The following HDAC4 variants were observed in gnomAD, a reference collection of about 807,000 sequenced individuals.
The protein encoded by HDAC4 is histone deacetylase A.
Under a neutral mutation model 135.1 loss-of-function variants are expected in HDAC4, and 16 were observed. The ratio of observed to expected loss-of-function variants is 0.12; its 90% CI spans 0.08 to 0.18. The LOEUF is 0.18. Among genes scored for constraint, HDAC4 ranks in the 10% least tolerant of loss-of-function variants. The probability of loss-of-function intolerance (pLI) is 1.00; values close to 1 mark genes in which losing one functional copy is unlikely to be tolerated. For missense variants in HDAC4, 1,143 were observed against 1,511.8 expected, an observed-to-expected ratio of 0.76 and a Z score of 4.05; for synonymous variants, 685 against 653.4, an observed-to-expected ratio of 1.05 and a Z score of -0.74.
At position 239,347,555 on chromosome 2, in the gene HDAC4, G is replaced by A. The variant is rs144294919; in HGVS notation, c.22+5123C>T. ...TTTGAGACAACAGTCTTGCTCTGTCGGCCAGGCTACAGTGCAGTGGCACCA... is the reference window on the plus strand; with the variant it reads ...TTTGAGACAACAGTCTTGCTCTGTCAGCCAGGCTACAGTGCAGTGGCACCA... On this transcript the variant is annotated intron_variant, in intron 2 of 26. Transcript: ENST00000543185. 3.5e-3 allele frequency among the ~76,000 whole-genome samples: 526 copies of A among 152,112 alleles called. 3 individuals carry two copies. The highest frequency in any genetic ancestry group is 0.012 in the African/African-American group (494 of 41,486).
intron 1 of HDAC4, among the ~76,000 whole-genome samples, chr2:239,377,677 G>C (rs905532711): frequency 6.6e-6 from 1 of 152,216 alleles, no homozygotes; most frequent in African/African-American, 2.4e-5. Flanking sequence ...TCTCACAAGG[G>C]GCAGGGCTGA....
intron 14 of HDAC4, among the ~76,000 whole-genome samples, chr2:239,109,767 C>T (rs537711441): frequency 7.9e-5 from 12 of 152,278 alleles, no homozygotes; most frequent in African/African-American, 1.9e-4. Flanking sequence ...CCGTGAAATA[C>T]GTAAGTGTGT....
At chr2:239,105,981 T>C (rs2038093286) in intron 15 of HDAC4, among the ~76,000 whole-genome samples, 1 of 152,164 alleles carries the variant, frequency 6.6e-6, no homozygotes, top group African/African-American at 2.4e-5. Context: ...AAGGCACTGC[T>C]GTCCAGGGAG....
chr2:239,125,727 A>G (rs1012857660), intron 12 of HDAC4, among the ~76,000 whole-genome samples: 8 of 152,238 alleles, frequency 5.3e-5, no homozygotes, highest in African/African-American at 1.9e-4. Flanking sequence ...CGTAATCAGC[A>G]TGTTAGTTTT....
intron 2 of HDAC4, among the ~76,000 whole-genome samples, chr2:239,328,203 G>A (rs909594923): frequency 5.3e-5 from 8 of 152,230 alleles, no homozygotes; most frequent in Admixed American, 2.0e-4. Flanking sequence ...AGGAGCCCTG[G>A]CGCTGGCCCA....
At chr2:239,215,002 C>T (rs990524309) in intron 3 of HDAC4, among the ~76,000 whole-genome samples, 4 of 152,178 alleles carry the variant, frequency 2.6e-5, no homozygotes, top group African/African-American at 4.8e-5. Flanking sequence ...TGGGGATCGA[C>T]GGCAAGCAGG....
intron 7 of HDAC4, among the ~76,000 whole-genome samples, chr2:239,147,775 C>G: frequency 6.6e-6 from 1 of 152,244 alleles, no homozygotes; most frequent in Non-Finnish European, 1.5e-5. Context: ...ATTGTTTCTC[C>G]TGAAGCCAAT....
intron 1 of HDAC4, among the ~76,000 whole-genome samples, chr2:239,367,246 G>A: frequency 6.6e-6 from 1 of 152,126 alleles, no homozygotes; most frequent in Non-Finnish European, 1.5e-5. Context: ...CAGTGGACAT[G>A]GACTGAACGA....
chr2:239,150,046 C>A (rs1298675451), intron 7 of HDAC4, among the ~76,000 whole-genome samples: 1 of 152,192 alleles, frequency 6.6e-6, no homozygotes, highest in East Asian at 1.9e-4. Flanking sequence ...CAACTTATAT[C>A]TATGTCTTAG....
intron 17 of HDAC4, among the ~76,000 whole-genome samples, chr2:239,090,719 C>G (rs2036435239): frequency 6.6e-6 from 1 of 151,814 alleles, no homozygotes; most frequent in Non-Finnish European, 1.5e-5. Flanking sequence ...CTGGAGCATT[C>G]TGGATTTCAG....
At position 239,162,180 on chromosome 2, in the gene HDAC4, C is replaced by T. The variant is rs551818990; in HGVS notation, c.611+1623G>A. 4.0e-4 allele frequency: 184 copies of T among 456,828 alleles called. 1 individual carries two copies. In the Middle Eastern group the frequency reaches 5.2e-3, roughly 13 times the overall value. The allele number at this position is 456,828 out of a possible 1,614,324, so 28.3% of individuals were successfully genotyped here. On this transcript the variant is annotated intron_variant, in intron 6 of 26. Transcript: ENST00000543185. ...GCTGCAGCCTCCCAGACTCTGTGCT[C>T]CTCTTCAGAAAGGGCTGCCCGTGCT...
intron 1 of HDAC4, among the ~76,000 whole-genome samples, chr2:239,378,364 A>C (rs1402296493): frequency 1.3e-5 from 2 of 152,128 alleles, no homozygotes; most frequent in African/African-American, 2.4e-5. Flanking sequence ...GATGGCCTGG[A>C]AGAGGGAAGG....
At chr2:239,185,796 T>C (rs1331113185) in intron 4 of HDAC4, among the ~76,000 whole-genome samples, 1 of 152,162 alleles carries the variant, frequency 6.6e-6, no homozygotes, top group African/African-American at 2.4e-5. Flanking sequence ...TTTGGGAGGC[T>C]GATACAGGCA....
At chr2:239,174,943 T>C (rs2043662751) in intron 5 of HDAC4, among the ~76,000 whole-genome samples, 1 of 152,208 alleles carries the variant, frequency 6.6e-6, no homozygotes, top group East Asian at 1.9e-4. Flanking sequence ...AAATTAATCT[T>C]CCATGTTAAA....
chr2:239,160,885 T>C (rs1178343354), intron 6 of HDAC4, among the ~76,000 whole-genome samples: 2 of 152,276 alleles, frequency 1.3e-5, no homozygotes, highest in Non-Finnish European at 2.9e-5. Flanking sequence ...ACTGCCTGCC[T>C]GTTTTCCCAC....
intron 2 of HDAC4, among the ~76,000 whole-genome samples, chr2:239,295,082 C>T (rs913377464): frequency 6.6e-5 from 10 of 151,902 alleles, no homozygotes; most frequent in East Asian, 5.8e-4. Context: ...CCGAGGCGGG[C>T]GGATCACGAG....
At chr2:239,205,027 G>A (rs140191601) in intron 3 of HDAC4, among the ~76,000 whole-genome samples, 16 of 152,208 alleles carry the variant, frequency 1.1e-4, no homozygotes, top group East Asian at 1.9e-4. Flanking sequence ...TCCCCGAGCC[G>A]CCTCTGTCCC....
chr2:239,052,804 G>T lies in HDAC4; in HGVS notation c.*293C>A. The T allele has an allele frequency of 2.2e-6, 1 of 445,908 alleles. No individual in the cohort carries two copies. 27.6% of individuals were successfully genotyped at this position (445,908 alleles called of 1,614,324 possible). On this transcript the variant is annotated 3_prime_UTR_variant, in exon 27 of 27. Transcript: ENST00000543185. ...GCCACAGGCTCCTTTCTTCCACGGCGTCCCTTGCGGGACCCGCCAGAGTGT... is the reference window on the plus strand; with the variant it reads ...GCCACAGGCTCCTTTCTTCCACGGCTTCCCTTGCGGGACCCGCCAGAGTGT...
intron 15 of HDAC4, among the ~76,000 whole-genome samples, chr2:239,105,364 G>A (rs895615066): frequency 6.6e-5 from 10 of 152,186 alleles, no homozygotes; most frequent in Admixed American, 5.9e-4. Context: ...TCTGGCTCCC[G>A]GGAAGCCTCT....
Sources: gnomAD v4.1 joint callset for allele counts (sites outside exome capture counted in the v4.1 genomes callset) on GRCh38, gnomAD v4.1.1 for gene constraint, MANE v1.5 for transcripts, NCBI Gene and HGNC (gene_info 2026-07-23, HGNC 2026-07-21) for gene names.